Variants in ZBTB20 observed in about 807,000 individuals in gnomAD.
The protein encoded by ZBTB20 is zinc finger and BTB domain-containing protein 20.
Under a neutral mutation model 56.9 loss-of-function variants are expected in ZBTB20, and 9 were observed. The observed-to-expected ratio is 0.16, with a 90% CI of 0.10 to 0.28. The LOEUF (loss-of-function observed/expected upper bound fraction) is 0.28. Among genes scored for constraint, ZBTB20 ranks in the 10% least tolerant of loss-of-function variants. ZBTB20 has a pLI of 1.00. For synonymous variants in ZBTB20, 417 were observed against 420.7 expected (o/e 0.99, Z 0.11); for missense variants, 655 against 1,003.0 (o/e 0.65, Z 4.69).
intron 5 of ZBTB20, chr3:114,743,424 G>T (rs1285073556): frequency 1.3e-5 from 2 of 152,920 alleles, no homozygotes; most frequent in African/African-American, 4.8e-5. Context: ...AAAAGAAAAT[G>T]TCTGTAGTAG....
At chr3:114,460,211 C>A (rs565323054) in intron 7 of ZBTB20, among the ~76,000 whole-genome samples, 14 of 152,154 alleles carry the variant, frequency 9.2e-5, no homozygotes, top group Middle Eastern at 3.4e-3. Context: ...CTCTTAAATT[C>A]TGGTGCTGAT....
chr3:114,680,362 A>T (rs1323972473), intron 6 of ZBTB20, among the ~76,000 whole-genome samples: 1 of 152,194 alleles, frequency 6.6e-6, no homozygotes, highest in Non-Finnish European at 1.5e-5. Flanking sequence ...CTTCTATAAC[A>T]GTATCTATTT....
intron 3 of ZBTB20, among the ~76,000 whole-genome samples, chr3:114,924,452 A>G (rs1307446842): frequency 6.6e-6 from 1 of 152,236 alleles, no homozygotes; most frequent in African/African-American, 2.4e-5. Flanking sequence ...AAGTAAAATA[A>G]GCAAGATATA....
intron 2 of ZBTB20, among the ~76,000 whole-genome samples, chr3:115,020,989 T>C (rs1310466937): frequency 6.6e-6 from 1 of 150,964 alleles, no homozygotes; most frequent in Non-Finnish European, 1.5e-5. Context: ...TAATTTAAAT[T>C]TTTACAGGCT....
At chr3:114,572,374 T>A (rs2053535379) in intron 6 of ZBTB20, among the ~76,000 whole-genome samples, 1 of 152,236 alleles carries the variant, frequency 6.6e-6, no homozygotes, top group Non-Finnish European at 1.5e-5. Flanking sequence ...GATTATTTCA[T>A]AGAGACTTAA....
At chr3:114,712,948 T>C (rs2064195140) in intron 5 of ZBTB20, among the ~76,000 whole-genome samples, 1 of 152,182 alleles carries the variant, frequency 6.6e-6, no homozygotes, top group African/African-American at 2.4e-5. Flanking sequence ...ACCCTAATAA[T>C]GGTATAACCT....
intron 6 of ZBTB20, among the ~76,000 whole-genome samples, chr3:114,649,139 C>T (rs1169681729): frequency 6.6e-6 from 1 of 151,956 alleles, no homozygotes; most frequent in Non-Finnish European, 1.5e-5. Flanking sequence ...TCATTGTTAA[C>T]TTTAAGGAGA....
At chr3:115,071,445 A>C (rs757694417) in intron 1 of ZBTB20, 31 bp from the exon 2 acceptor site, 4 of 152,154 alleles carry the variant, frequency 2.6e-5, no homozygotes, top group Non-Finnish European at 4.4e-5. Flanking sequence ...AAGAAATAGA[A>C]AGATTAGCCA....
intron 2 of ZBTB20, among the ~76,000 whole-genome samples, chr3:115,047,945 G>A (rs1454378775): frequency 6.6e-6 from 1 of 152,122 alleles, no homozygotes; most frequent in Non-Finnish European, 1.5e-5. Flanking sequence ...TTCTGGCCGG[G>A]CGCGGTGGCT....
intron 3 of ZBTB20, among the ~76,000 whole-genome samples, chr3:114,907,177 G>A (rs2075351744): frequency 6.7e-6 from 1 of 149,596 alleles, no homozygotes; most frequent in Non-Finnish European, 1.5e-5. Flanking sequence ...AGGCAAATGT[G>A]TTCTTGCTCT....
At chr3:114,772,770 T>C (rs569716533) in intron 5 of ZBTB20, among the ~76,000 whole-genome samples, 11 of 152,112 alleles carry the variant, frequency 7.2e-5, no homozygotes, top group Non-Finnish European at 1.6e-4. Context: ...GGCAAAATAA[T>C]TGCACCCCAA....
chr3:114,515,145 T>A (rs532369000), intron 6 of ZBTB20, among the ~76,000 whole-genome samples: 14 of 152,210 alleles, frequency 9.2e-5, no homozygotes, highest in Non-Finnish European at 1.8e-4. Context: ...ATAAGACTTG[T>A]TTTGTAAGGC....
intron 1 of ZBTB20, among the ~76,000 whole-genome samples, chr3:115,118,065 G>T (rs1009828492): frequency 7.9e-5 from 12 of 152,220 alleles, no homozygotes; most frequent in East Asian, 5.8e-4. Context: ...CAAAGAGAAG[G>T]CAAAAGTATT....
intron 6 of ZBTB20, among the ~76,000 whole-genome samples, chr3:114,619,165 A>G (rs2058143866): frequency 1.3e-5 from 2 of 152,210 alleles, no homozygotes; most frequent in African/African-American, 4.8e-5. Flanking sequence ...GATGTTCTCC[A>G]TTAGTGTTAA....
chr3:114,925,279 C>A (rs1337730763), intron 3 of ZBTB20, among the ~76,000 whole-genome samples: 1 of 151,986 alleles, frequency 6.6e-6, no homozygotes, highest in Non-Finnish European at 1.5e-5. Context: ...CCGCACCTGG[C>A]CAATTTGGTT....
intron 6 of ZBTB20, among the ~76,000 whole-genome samples, chr3:114,600,688 T>C (rs1461125692): frequency 2.0e-5 from 3 of 151,984 alleles, no homozygotes; most frequent in African/African-American, 7.2e-5. Context: ...ATATGTATTC[T>C]ACTTTCTTGG....
intron 6 of ZBTB20, among the ~76,000 whole-genome samples, chr3:114,582,869 A>G (rs1030325031): frequency 1.3e-5 from 2 of 152,220 alleles, no homozygotes; most frequent in African/African-American, 4.8e-5. Context: ...TTGAATCAAA[A>G]GCAAAAGTTT....
At chr3:114,906,629 A>T (rs1288444916) in intron 3 of ZBTB20, among the ~76,000 whole-genome samples, 1 of 151,474 alleles carries the variant, frequency 6.6e-6, no homozygotes, top group African/African-American at 2.4e-5. Context: ...TTATATGTAT[A>T]CAAGTAGCTA....
At chr3:114,988,474 C>T (rs541867202) in intron 2 of ZBTB20, among the ~76,000 whole-genome samples, 48 of 152,022 alleles carry the variant, frequency 3.2e-4, no homozygotes, top group African/African-American at 1.2e-3. Context: ...TGTATATGTG[C>T]CACATTTTCT....
Sources: allele counts gnomAD v4.1 joint callset (sites outside exome capture counted in the v4.1 genomes callset), GRCh38; gene constraint gnomAD v4.1.1; transcripts MANE v1.5; gene names NCBI Gene and HGNC (gene_info 2026-07-23, HGNC 2026-07-21).